Variants in PRKAG2 observed in about 807,000 individuals in gnomAD.
PRKAG2 encodes protein kinase AMP-activated non-catalytic subunit gamma 2, also known as 5'-AMP-activated protein kinase subunit gamma-2.
In PRKAG2, 26 loss-of-function variants were observed where a neutral mutation model predicts 69.6. The ratio of observed to expected loss-of-function variants is 0.37; its 90% CI spans 0.27 to 0.52. The LOEUF (loss-of-function observed/expected upper bound fraction) is 0.52. Ranked by LOEUF, PRKAG2 falls within the 20% of genes least tolerant of loss-of-function variation. The probability of loss-of-function intolerance (pLI) is 0.90; values close to 1 mark genes in which losing one functional copy is unlikely to be tolerated. For missense variants in PRKAG2, 557 were observed against 740.0 expected (o/e 0.75, Z 2.87); for synonymous variants, 293 against 285.0 (o/e 1.03, Z -0.28).
At chr7:151,588,936 C>T (rs1446642157) in intron 6 of PRKAG2, among the ~76,000 whole-genome samples, 2 of 152,234 alleles carry the variant, frequency 1.3e-5, no homozygotes, top group South Asian at 4.1e-4. Flanking sequence ...GATGTCCCCC[C>T]TCTCTACTGT....
intron 3 of PRKAG2, among the ~76,000 whole-genome samples, chr7:151,742,231 TAGGACTCCAG>T (rs1423585133): frequency 1.2e-5 from 1 of 80,646 alleles, no homozygotes; most frequent in Non-Finnish European, 3.2e-5. Flanking sequence ...CTGAATCCCA[TAGGACTCCAG>T]AGGACCGCTG....
intron 3 of PRKAG2, among the ~76,000 whole-genome samples, chr7:151,705,781 C>G (rs1838493455): frequency 6.6e-6 from 1 of 152,162 alleles, no homozygotes; most frequent in African/African-American, 2.4e-5. Flanking sequence ...GTTGACTCCT[C>G]CTTACACTGC....
At chr7:151,578,720 A>G (rs1029946) in intron 6 of PRKAG2, among the ~76,000 whole-genome samples, 31,719 of 152,152 alleles carry the variant, frequency 0.21, 4,177 homozygotes, top group East Asian at 0.44. Context: ...GTAACTGAGC[A>G]GCATCCAGAA....
chr7:151,698,660 C>T (rs1308934706), intron 3 of PRKAG2, among the ~76,000 whole-genome samples: 1 of 152,184 alleles, frequency 6.6e-6, no homozygotes, highest in Admixed American at 6.5e-5. Context: ...GAGCAGACAC[C>T]AGCACCATGC....
chr7:151,664,153 C>G (rs893058265), intron 4 of PRKAG2, among the ~76,000 whole-genome samples: 1 of 152,172 alleles, frequency 6.6e-6, no homozygotes, highest in African/African-American at 2.4e-5. Flanking sequence ...AGCTGAGAAT[C>G]TCGGATCTCT....
At chr7:151,762,199 G>A (rs554963039) in intron 3 of PRKAG2, among the ~76,000 whole-genome samples, 16 of 152,296 alleles carry the variant, frequency 1.1e-4, no homozygotes, top group South Asian at 6.2e-4. Flanking sequence ...GACAGGTGGG[G>A]AGAAGACGAG....
intron 4 of PRKAG2, among the ~76,000 whole-genome samples, chr7:151,651,873 T>C (rs1464868584): frequency 6.6e-6 from 1 of 151,202 alleles, no homozygotes; most frequent in African/African-American, 2.5e-5. Flanking sequence ...AGGCAGCGAG[T>C]AGAATGGAGG....
chr7:151,681,085 G>A (rs932100218), intron 3 of PRKAG2, among the ~76,000 whole-genome samples: 9 of 152,192 alleles, frequency 5.9e-5, no homozygotes, highest in South Asian at 4.2e-4. Context: ...CACAAACCAC[G>A]GTGTCCGCTC....
At chr7:151,690,878 C>T (rs2024266) in intron 3 of PRKAG2, among the ~76,000 whole-genome samples, 67,402 of 152,008 alleles carry the variant, frequency 0.44, 15,245 homozygotes, top group Middle Eastern at 0.51. Flanking sequence ...TTCCACTAAG[C>T]GTGAATGGCA....
At chr7:151,815,793 G>A (rs757430803) in intron 1 of PRKAG2, among the ~76,000 whole-genome samples, 1 of 152,084 alleles carries the variant, frequency 6.6e-6, no homozygotes, top group Non-Finnish European at 1.5e-5. Context: ...AGAAAATGAG[G>A]GTCCCCATTT....
chr7:151,775,753 G>A (rs1171264585), intron 3 of PRKAG2, among the ~76,000 whole-genome samples: 2 of 152,182 alleles, frequency 1.3e-5, no homozygotes, highest in Non-Finnish European at 1.5e-5. Context: ...CCTCCCAGGG[G>A]CCTTGTGTAA....
chr7:151,608,575 C>T (rs899823240), intron 5 of PRKAG2, among the ~76,000 whole-genome samples: 1 of 152,106 alleles, frequency 6.6e-6, no homozygotes, highest in Non-Finnish European at 1.5e-5. Context: ...TGCCTGGTAT[C>T]TTGCAAGTCA....
At chr7:151,721,558 C>T (rs925385738) in intron 3 of PRKAG2, among the ~76,000 whole-genome samples, 6 of 152,166 alleles carry the variant, frequency 3.9e-5, no homozygotes, top group Admixed American at 3.9e-4. Context: ...GCCCCATGGT[C>T]ACCTAATGTC....
At chr7:151,695,530 G>GA (rs1171464455) in intron 3 of PRKAG2, among the ~76,000 whole-genome samples, 2 of 152,180 alleles carry the variant, frequency 1.3e-5, no homozygotes, top group Non-Finnish European at 2.9e-5. Context: ...AGGAAGCTGT[G>GA]TTGGGGGCTG....
chr7:151,830,816 C>A (rs1054299017), intron 1 of PRKAG2, among the ~76,000 whole-genome samples: 5 of 151,052 alleles, frequency 3.3e-5, no homozygotes, highest in Admixed American at 2.6e-4. Flanking sequence ...GAGGGAGGAG[C>A]GTGGTCCCTT....
intron 4 of PRKAG2, among the ~76,000 whole-genome samples, chr7:151,660,862 T>C (rs1177673944): frequency 1.3e-5 from 2 of 152,236 alleles, no homozygotes; most frequent in Non-Finnish European, 2.9e-5. Context: ...TGTTTTTCCT[T>C]TTATAATCAG....
intron 5 of PRKAG2, among the ~76,000 whole-genome samples, chr7:151,596,171 G>A (rs1814469705): frequency 6.6e-6 from 1 of 152,106 alleles, no homozygotes; most frequent in Non-Finnish European, 1.5e-5. Context: ...ATGGAAACAA[G>A]GAAGTTAAAT....
intron 4 of PRKAG2, among the ~76,000 whole-genome samples, chr7:151,651,714 A>C (rs1350322995): frequency 1.3e-5 from 2 of 152,236 alleles, no homozygotes; most frequent in Non-Finnish European, 1.5e-5. Flanking sequence ...CAGATTACAC[A>C]CTGCGGCTAA....
intron 1 of PRKAG2, among the ~76,000 whole-genome samples, chr7:151,857,707 C>A (rs1199811742): frequency 1.3e-5 from 2 of 152,242 alleles, no homozygotes; most frequent in African/African-American, 2.4e-5. Context: ...CCCACGCATG[C>A]TGAGGACCTG....
Sources: gnomAD v4.1 joint callset for allele counts (sites outside exome capture counted in the v4.1 genomes callset) on GRCh38, gnomAD v4.1.1 for gene constraint, MANE v1.5 for transcripts, NCBI Gene and HGNC (gene_info 2026-07-23, HGNC 2026-07-21) for gene names.